Variants in NR1I2 observed in about 807,000 individuals in gnomAD.
NR1I2 encodes the protein orphan nuclear receptor PAR1.
In NR1I2, 42 loss-of-function variants were observed where a neutral mutation model predicts 43.3. That is an observed-to-expected ratio of 0.97 (90% confidence interval 0.76 to 1.26). The LOEUF (loss-of-function observed/expected upper bound fraction) is 1.26, where lower values mean the gene tolerates loss of function less well. NR1I2 is among the 50% of genes most tolerant of loss of function. The probability of loss-of-function intolerance (pLI) is 0.00; values close to 1 mark genes in which losing one functional copy is unlikely to be tolerated. For missense variants in NR1I2, 559 were observed against 566.7 expected (o/e 0.99, Z 0.14); for synonymous variants, 229 against 215.0 (o/e 1.06, Z -0.57).
chr3:119,791,430 G>T (rs2054917328), intron 1 of NR1I2, among the ~76,000 whole-genome samples: 1 of 152,162 alleles, frequency 6.6e-6, no homozygotes, highest in Non-Finnish European at 1.5e-5. Context: ...CCCCTTGTGT[G>T]ATTGCTTCAC....
chr3:119,791,254 T>A (rs66976262), intron 1 of NR1I2, among the ~76,000 whole-genome samples: 20,631 of 152,134 alleles, frequency 0.14, 1,687 homozygotes, highest in East Asian at 0.23. Flanking sequence ...AGAAGGCCTA[T>A]GGACCTTTGC....
At chr3:119,788,408 A>G (rs548049265) in intron 1 of NR1I2, among the ~76,000 whole-genome samples, 13 of 151,478 alleles carry the variant, frequency 8.6e-5, no homozygotes, top group Middle Eastern at 3.4e-3. Context: ...GTGAGCCACC[A>G]TCCCTGGCCA....
At chr3:119,797,018 C>CA (rs1339752926) in intron 1 of NR1I2, among the ~76,000 whole-genome samples, 1 of 152,118 alleles carries the variant, frequency 6.6e-6, no homozygotes, top group Non-Finnish European at 1.5e-5. Flanking sequence ...CCGCCAGGAG[C>CA]AAAAAACAAA....
In NR1I2 at chr3:119,808,739, G is replaced by A. The variant is rs988032891; in HGVS notation, c.197+1292G>A. ...CCTGGAGGACAGCTGGGGATCCATC[G>A]TCTCCAAGCCTCAGTCTCCCTCATC... On this transcript the variant is annotated intron_variant, in intron 2 of 8. Transcript: ENST00000393716. 5.3e-5 allele frequency among the ~76,000 whole-genome samples: 8 copies of A among 152,332 alleles called. No homozygotes were observed. The East Asian group carries it at 5.8e-4, about 11-fold the overall frequency.
chr3:119,783,294 A>G (rs1460679630), intron 1 of NR1I2, among the ~76,000 whole-genome samples: 1 of 152,214 alleles, frequency 6.6e-6, no homozygotes, highest in Non-Finnish European at 1.5e-5. Flanking sequence ...AGCTGTTTTT[A>G]TAAATGAAGC....
chr3:119,817,569 A>T lies in NR1I2; in HGVS notation c.*357A>T, dbSNP rs2055347864. The T allele has an allele frequency of 7.6e-6, 9 of 1,188,306 alleles. No individual in the cohort carries two copies. Among genetic ancestry groups the T allele is most frequent in the Non-Finnish European group, 2.1e-6 (2 of 945,844 alleles). 73.6% of individuals were successfully genotyped at this position (1,188,306 alleles called of 1,614,324 possible). A position where few individuals can be genotyped will look rare whatever the true frequency, so the allele number is the denominator to read the frequency against. On this transcript the variant is annotated 3_prime_UTR_variant, in exon 9 of 9. Transcript: ENST00000393716. ...AAGTGTCAAGGTGTGGAAGGGACCAAGCGACCAAGGATGGGCCATCTGGGG... is the reference window on the plus strand; with the variant it reads ...AAGTGTCAAGGTGTGGAAGGGACCATGCGACCAAGGATGGGCCATCTGGGG...
chr3:119,791,677 G>A (rs2107950287), intron 1 of NR1I2, among the ~76,000 whole-genome samples: 1 of 152,270 alleles, frequency 6.6e-6, no homozygotes, highest in Admixed American at 6.5e-5. Context: ...CACTTTGGGA[G>A]GCTGAGGCGG....
At chr3:119,789,225 A>G (rs2054884717) in intron 1 of NR1I2, among the ~76,000 whole-genome samples, 1 of 152,220 alleles carries the variant, frequency 6.6e-6, no homozygotes, top group Non-Finnish European at 1.5e-5. Flanking sequence ...AATGCACTTT[A>G]ATTGACATGG....
chr3:119,790,539 C>A (rs1025787007), intron 1 of NR1I2, among the ~76,000 whole-genome samples: 4 of 152,148 alleles, frequency 2.6e-5, no homozygotes, highest in Admixed American at 6.5e-5. Context: ...GTCCAAGGTT[C>A]CCATTTGTCT....
chr3:119,807,416 A>T lies in NR1I2; in HGVS notation c.166A>T (p.Met56Leu). 6.2e-7 allele frequency: 1 copy of T among 1,614,124 alleles called. No individual in the cohort carries two copies. Among genetic ancestry groups the T allele is most frequent in the Non-Finnish European group, 8.5e-7 (1 of 1,180,032 alleles). ...GGCCACTGGCTATCACTTCAATGTC[A>T]TGACATGTGAAGGATGCAAGGGCTT... is the stretch of plus-strand genomic sequence containing the variant. Residue 56 changes from methionine (M) to leucine (L), a missense_variant, in exon 2 of 9, where the codon ATG becomes TTG. Around this residue, in one of 3 missense-constraint regions of NR1I2, gnomAD observed 232 missense variants for 236.6 expected, o/e 0.98. Coordinates refer to ENST00000393716, the MANE Select transcript of NR1I2 (RefSeq NM_003889.4).
At position 119,818,250 on chromosome 3, in the gene NR1I2, G is replaced by A. The variant is rs530579894; in HGVS notation, c.*1038G>A. 4 of 985,558 alleles carry A rather than the reference G, an allele frequency of 4.1e-6. No homozygotes were observed. The highest frequency in any genetic ancestry group is 4.7e-5 in the South Asian group (1 of 21,276). 61.1% of individuals were successfully genotyped at this position (985,558 alleles called of 1,614,324 possible). On this transcript the variant is annotated 3_prime_UTR_variant, in exon 9 of 9. Transcript: ENST00000393716. The stretch of plus-strand genomic sequence containing the variant: ...ACGCTGACAATCAGTTAAACACACC[G>A]GAGAAGAACCATTTACATGCACCTT...
At chr3:119,808,614 A>G (rs1293408934) in intron 2 of NR1I2, among the ~76,000 whole-genome samples, 2 of 152,220 alleles carry the variant, frequency 1.3e-5, no homozygotes, top group Non-Finnish European at 2.9e-5. Flanking sequence ...TCATTTGGGT[A>G]CTATTCCTGG....
chr3:119,782,695 G>C, intron 1 of NR1I2: 1 of 1,236,818 alleles, frequency 8.1e-7, no homozygotes, highest in Non-Finnish European at 1.2e-6. Context: ...GATCAACTCA[G>C]TCCTGATTCC....
At chr3:119,792,181 C>G (rs1171619351) in intron 1 of NR1I2, 2 of 1,048,338 alleles carry the variant, frequency 1.9e-6, no homozygotes, top group African/African-American at 3.1e-5. Flanking sequence ...GTGCTGCCAT[C>G]CATCACTACT....
chr3:119,810,318 A>G (rs2055221751), intron 3 of NR1I2, 124 bp downstream of exon 3: 8 of 1,412,250 alleles, frequency 5.7e-6, no homozygotes, highest in African/African-American at 1.4e-5. Flanking sequence ...ACACGTGCAC[A>G]TGTGAGCTGG....
At chr3:119,783,440 G>C (rs554882476) in intron 1 of NR1I2, among the ~76,000 whole-genome samples, 1 of 152,164 alleles carries the variant, frequency 6.6e-6, no homozygotes, top group South Asian at 2.1e-4. Context: ...CTGATTCATT[G>C]AGTCAGCAAA....
intron 1 of NR1I2, among the ~76,000 whole-genome samples, chr3:119,788,734 G>A (rs1425647854): frequency 1.6e-4 from 24 of 152,130 alleles, no homozygotes; most frequent in East Asian, 1.9e-4. Context: ...CACTGTGCCC[G>A]GCCTGTATAT....
intron 1 of NR1I2, among the ~76,000 whole-genome samples, chr3:119,797,339 C>A (rs1159434470): frequency 2.4e-4 from 36 of 152,058 alleles, no homozygotes; most frequent in Admixed American, 2.4e-3. Context: ...GCAGCAGGAA[C>A]AATCTGTTTA....
chr3:119,793,791 A>T (rs890502411), intron 1 of NR1I2, among the ~76,000 whole-genome samples: 1 of 152,214 alleles, frequency 6.6e-6, no homozygotes, highest in African/African-American at 2.4e-5. Flanking sequence ...GGGTGCAGAC[A>T]TCTTTGAGGG....
Sources: gnomAD v4.1 joint callset for allele counts (sites outside exome capture counted in the v4.1 genomes callset) on GRCh38, gnomAD v4.1.1 for gene constraint, gnomAD v4.1.1 regional missense constraint, MANE v1.5 for transcripts, NCBI Gene and HGNC (gene_info 2026-07-23, HGNC 2026-07-21) for gene names.